The following PLD1 variants were observed in gnomAD, a reference collection of about 807,000 sequenced individuals.
PLD1 encodes the protein phospholipase D1.
In PLD1, 112 loss-of-function variants were observed where a neutral mutation model predicts 137.1. The observed-to-expected ratio is 0.82, with a 90% CI of 0.70 to 0.96. The LOEUF (loss-of-function observed/expected upper bound fraction) is 0.96. PLD1 is among the 40% of genes least tolerant of loss of function. The pLI, the probability that PLD1 is intolerant of heterozygous loss-of-function variation, is 0.00. For missense variants in PLD1, 1,321 were observed against 1,342.0 expected (o/e 0.98, Z 0.24); for synonymous variants, 431 against 454.7 (o/e 0.95, Z 0.66).
In PLD1 at chr3:171,749,050, A is replaced by G. The variant is rs534587349; in HGVS notation, c.-31-10968T>C. Reference sequence around the variant, plus strand: ...TTCTGGAAACAAAATGAATCAAGCTAATACATATGCTCCATTTCTACTGAA... The same window carrying G: ...TTCTGGAAACAAAATGAATCAAGCTGATACATATGCTCCATTTCTACTGAA... On this transcript the variant is annotated intron_variant, in intron 1 of 26. Coordinates refer to ENST00000351298, the MANE Select transcript of PLD1 (RefSeq NM_002662.5). Among the ~76,000 whole-genome samples the G allele has an allele frequency of 9.9e-5, 15 of 152,160 alleles. No homozygotes were observed. In the East Asian group the frequency reaches 2.7e-3, roughly 27 times the overall value.
At chr3:171,669,477 C>T (rs924011327) in intron 19 of PLD1, among the ~76,000 whole-genome samples, 7 of 152,172 alleles carry the variant, frequency 4.6e-5, no homozygotes, top group Non-Finnish European at 1.0e-4. Context: ...TCTCGGCTCA[C>T]TGCAACCTCT....
At chr3:171,720,844 T>C (rs994614021) in intron 8 of PLD1, among the ~76,000 whole-genome samples, 5 of 152,298 alleles carry the variant, frequency 3.3e-5, no homozygotes, top group African/African-American at 1.2e-4. Flanking sequence ...GCATATTTAT[T>C]TTGTGTAACA....
At chr3:171,607,287 C>T (rs1424580515) in intron 25 of PLD1, among the ~76,000 whole-genome samples, 1 of 152,112 alleles carries the variant, frequency 6.6e-6, no homozygotes. Flanking sequence ...ATGTGAATGA[C>T]AGTACAAATG....
chr3:171,684,821 A>G (rs1714384464), intron 16 of PLD1, among the ~76,000 whole-genome samples: 1 of 152,162 alleles, frequency 6.6e-6, no homozygotes. Context: ...TCCTGGGCTC[A>G]AGCAATCCTC....
chr3:171,772,165 T>C (rs1044763934), intron 1 of PLD1, among the ~76,000 whole-genome samples: 1 of 152,232 alleles, frequency 6.6e-6, no homozygotes, highest in Non-Finnish European at 1.5e-5. Context: ...TTTAACACAA[T>C]GTGTTCACAG....
chr3:171,793,743 C>T (rs1200225263), intron 1 of PLD1: 2 of 151,922 alleles, frequency 1.3e-5, no homozygotes, highest in South Asian at 2.1e-4. Context: ...GAATGGTGCA[C>T]AATTTATAAC....
At chr3:171,690,204 A>G (rs984369275) in intron 13 of PLD1, among the ~76,000 whole-genome samples, 31 of 152,148 alleles carry the variant, frequency 2.0e-4, no homozygotes, top group Admixed American at 1.0e-3. Flanking sequence ...TAGAATTGGT[A>G]GTAATGTCTC....
At chr3:171,798,868 C>T (rs1037265918) in intron 1 of PLD1, among the ~76,000 whole-genome samples, 1 of 152,134 alleles carries the variant, frequency 6.6e-6, no homozygotes, top group Non-Finnish European at 1.5e-5. Flanking sequence ...GGATGGGCCT[C>T]ACACTCTTTT....
At chr3:171,792,279 G>A (rs1464193212) in intron 1 of PLD1, 1 of 251,192 alleles carries the variant, frequency 4.0e-6, no homozygotes, top group Non-Finnish European at 7.9e-6. Flanking sequence ...CTGTCTCACA[G>A]CCCAGCCACA....
intron 6 of PLD1, among the ~76,000 whole-genome samples, chr3:171,729,722 T>C (rs1718791441): frequency 6.6e-6 from 1 of 152,174 alleles, no homozygotes; most frequent in Non-Finnish European, 1.5e-5. Flanking sequence ...GACTCAATCA[T>C]AAGAAAGAAA....
At chr3:171,738,136 C>T (rs1476590780) in intron 1 of PLD1, 54 bp from the exon 2 acceptor site, 12 of 1,074,392 alleles carry the variant, frequency 1.1e-5, no homozygotes, top group South Asian at 9.4e-5. Context: ...ACATAAAATG[C>T]TATTCCACAA....
Position 171,738,033 on chromosome 3 carries a change from G to T in PLD1, c.19C>A (p.Pro7Thr). The T allele has an allele frequency of 6.2e-7, 1 of 1,612,810 alleles. No homozygotes were observed. Among genetic ancestry groups the T allele is most frequent in the Non-Finnish European group, 8.5e-7 (1 of 1,179,514 alleles). ...TGCAGTGCAGAGGTATTTACCCGTG[G>T]CTCGTTTTTCAGTGACATGTTAACT... The part of the protein sequence containing the change: MSLKNE[P>T]RVNTSALQKI... The change falls in exon 2 of 27, where the codon CCA becomes ACA. Residue 7 changes from proline to threonine, a missense_variant. Pro to Thr is a conservative substitution (Grantham distance 38, BLOSUM62 -1). Transcript: ENST00000351298.
chr3:171,747,324 C>T (rs1290106032), intron 1 of PLD1, among the ~76,000 whole-genome samples: 2 of 152,188 alleles, frequency 1.3e-5, no homozygotes, highest in Non-Finnish European at 2.9e-5. Context: ...TCCTTTTGGC[C>T]TTGGCTGTGC....
At chr3:171,783,289 C>T (rs183544130) in intron 1 of PLD1, among the ~76,000 whole-genome samples, 2 of 151,924 alleles carry the variant, frequency 1.3e-5, no homozygotes, top group East Asian at 1.9e-4. Context: ...AGGAATGCTC[C>T]GTGGTTTGGA....
chr3:171,647,207 G>T (rs1053462866), intron 21 of PLD1, among the ~76,000 whole-genome samples: 4 of 152,196 alleles, frequency 2.6e-5, no homozygotes, highest in Non-Finnish European at 5.9e-5. Context: ...CTATGCACTC[G>T]GTATTATTTG....
Position 171,603,336 on chromosome 3 carries a change from A to G in PLD1, c.3001-34T>C, listed in dbSNP as rs780801699. 43 of 1,494,146 alleles carry G rather than the reference A, an allele frequency of 2.9e-5. No individual in the cohort carries two copies. The East Asian group carries it at 9.1e-4, about 32-fold the overall frequency. The allele number at this position is 1,494,146 out of a possible 1,614,324, so 92.6% of individuals were successfully genotyped here. A position where few individuals can be genotyped will look rare whatever the true frequency, so the allele number is the denominator to read the frequency against. Reference sequence around the variant, plus strand: ...AGCATAAATAGAAAAATGAGTGAAAAGTTTAAAAGCGAGCACATGGCCTTT... The same window carrying G: ...AGCATAAATAGAAAAATGAGTGAAAGGTTTAAAAGCGAGCACATGGCCTTT... On this transcript the variant is annotated intron_variant, in intron 26 of 26. Coordinates refer to ENST00000351298, the MANE Select transcript of PLD1 (RefSeq NM_002662.5).
At chr3:171,693,565 T>G in intron 12 of PLD1, among the ~76,000 whole-genome samples, 1 of 152,126 alleles carries the variant, frequency 6.6e-6, no homozygotes, top group Admixed American at 6.5e-5. Flanking sequence ...CTTTTTTTAC[T>G]TTTTAGGCTT....
chr3:171,687,401 C>T lies in PLD1; in HGVS notation c.1723G>A (p.Asp575Asn), dbSNP rs1481397781. 1 of 1,614,176 alleles carries T rather than the reference C, an allele frequency of 6.2e-7. No homozygotes were observed. The highest frequency in any genetic ancestry group is 1.7e-5 in the Admixed American group (1 of 60,030). The change falls in exon 15 of 27, where the codon GAT becomes AAT. Residue 575 changes from aspartate (D) to asparagine (N), a missense_variant. By Grantham distance (23) the Asp-to-Asn change is conservative. Transcript: ENST00000351298. ...GTGCTGTCAATGCTGCTGATGCTAT[C>T]TGCGTCGTGCAGGTGGTGCCTGTGG... ...QLHRHHLHDA[D>N]SISSIDSTSS...
intron 1 of PLD1, among the ~76,000 whole-genome samples, chr3:171,779,518 A>C (rs1054335328): frequency 1.3e-5 from 2 of 152,202 alleles, no homozygotes; most frequent in Admixed American, 6.5e-5. Context: ...TGGGTAGGTT[A>C]AGTTTGAGAG....
Sources: gnomAD v4.1 joint callset for allele counts (sites outside exome capture counted in the v4.1 genomes callset) on GRCh38, gnomAD v4.1.1 for gene constraint, MANE v1.5 for transcripts, NCBI Gene and HGNC (gene_info 2026-07-23, HGNC 2026-07-21) for gene names.